The following DYNC1I1 variants were observed in gnomAD, a reference collection of about 807,000 sequenced individuals.
DYNC1I1 encodes the protein dynein cytoplasmic 1 intermediate chain 1.
Under a neutral mutation model 86.6 loss-of-function variants are expected in DYNC1I1, and 43 were observed. The ratio of observed to expected loss-of-function variants is 0.50; its 90% CI spans 0.39 to 0.64. The LOEUF (loss-of-function observed/expected upper bound fraction) is 0.64. DYNC1I1 is among the 30% of genes least tolerant of loss of function. DYNC1I1 has a pLI of 0.00. For missense variants in DYNC1I1, 604 were observed against 788.8 expected, an observed-to-expected ratio of 0.77 and a Z score of 2.81; for synonymous variants, 262 against 283.7, an observed-to-expected ratio of 0.92 and a Z score of 0.77.
At chr7:95,881,830 A>G (rs1191134574) in intron 6 of DYNC1I1, among the ~76,000 whole-genome samples, 1 of 152,252 alleles carries the variant, frequency 6.6e-6, no homozygotes, top group Non-Finnish European at 1.5e-5. Flanking sequence ...TGAGTCAGGC[A>G]TATGGTCATG....
intron 2 of DYNC1I1, among the ~76,000 whole-genome samples, chr7:95,807,569 C>G (rs910172016): frequency 6.6e-6 from 1 of 152,058 alleles, no homozygotes; most frequent in African/African-American, 2.4e-5. Context: ...TTACATATAC[C>G]CTGATGGACT....
intron 7 of DYNC1I1, among the ~76,000 whole-genome samples, chr7:95,980,294 C>T (rs1274353028): frequency 6.6e-6 from 1 of 150,944 alleles, no homozygotes; most frequent in Non-Finnish European, 1.5e-5. Context: ...TTTATGTTGG[C>T]ATCAAACTCT....
At chr7:96,061,894 A>G (rs934956902) in intron 14 of DYNC1I1, among the ~76,000 whole-genome samples, 4 of 152,162 alleles carry the variant, frequency 2.6e-5, no homozygotes, top group African/African-American at 9.7e-5. Flanking sequence ...TGGCATATGC[A>G]GTTCACCCAT....
chr7:95,937,346 T>G (rs1025914574), intron 6 of DYNC1I1, among the ~76,000 whole-genome samples: 2 of 152,092 alleles, frequency 1.3e-5, no homozygotes, highest in African/African-American at 4.8e-5. Flanking sequence ...ATAGGTTAAC[T>G]ATGTGAGGTG....
chr7:96,018,690 T>G (rs972132570), intron 10 of DYNC1I1, among the ~76,000 whole-genome samples: 1 of 152,188 alleles, frequency 6.6e-6, no homozygotes. Flanking sequence ...CCTCATTATT[T>G]CTGTGGGGAG....
intron 7 of DYNC1I1, among the ~76,000 whole-genome samples, chr7:95,978,923 G>A (rs1188015594): frequency 6.6e-6 from 1 of 152,086 alleles, no homozygotes; most frequent in African/African-American, 2.4e-5. Flanking sequence ...AGCATCCCGA[G>A]TAGCTGAGAT....
chr7:95,883,419 T>C (rs1347882604), intron 6 of DYNC1I1, among the ~76,000 whole-genome samples: 2 of 152,226 alleles, frequency 1.3e-5, no homozygotes, highest in Admixed American at 1.3e-4. Context: ...CCAGTTAGTA[T>C]GCCATTCTTC....
At chr7:95,846,666 T>TGTGTGTGTGTGTGA (rs1400288683) in intron 5 of DYNC1I1, among the ~76,000 whole-genome samples, 2 of 150,652 alleles carry the variant, frequency 1.3e-5, no homozygotes, top group Non-Finnish European at 1.5e-5. Flanking sequence ...TGTGTGTGTG[T>TGTGTGTGTGTGTGA]GACGAAGGGG....
intron 16 of DYNC1I1, among the ~76,000 whole-genome samples, chr7:96,103,548 C>CGTA (rs1334315535): frequency 2.0e-5 from 3 of 152,122 alleles, no homozygotes; most frequent in Non-Finnish European, 4.4e-5. Context: ...CAAAGCATAC[C>CGTA]AATGGCTTTC....
At chr7:96,057,960 A>G (rs927192561) in intron 14 of DYNC1I1, among the ~76,000 whole-genome samples, 12 of 152,170 alleles carry the variant, frequency 7.9e-5, no homozygotes, top group Non-Finnish European at 1.2e-4. Flanking sequence ...ATGGACCTAC[A>G]AAGACACCTC....
At chr7:96,053,504 C>G (rs1443202308) in intron 14 of DYNC1I1, among the ~76,000 whole-genome samples, 1 of 152,006 alleles carries the variant, frequency 6.6e-6, no homozygotes, top group Non-Finnish European at 1.5e-5. Flanking sequence ...TTCCAACAAA[C>G]TCCTGTCACT....
intron 14 of DYNC1I1, among the ~76,000 whole-genome samples, chr7:96,058,705 G>A (rs1789659083): frequency 6.6e-6 from 1 of 152,048 alleles, no homozygotes; most frequent in African/African-American, 2.4e-5. Flanking sequence ...TGCGATCTCA[G>A]CTCACTGCAA....
At chr7:95,813,962 CT>C (rs1238299183) in intron 4 of DYNC1I1, among the ~76,000 whole-genome samples, 1 of 152,084 alleles carries the variant, frequency 6.6e-6, no homozygotes, top group Non-Finnish European at 1.5e-5. Flanking sequence ...AATTTAATCA[CT>C]GAAGAGGTAT....
At chr7:96,029,426 G>A (rs1308006570) in intron 11 of DYNC1I1, among the ~76,000 whole-genome samples, 1 of 152,138 alleles carries the variant, frequency 6.6e-6, no homozygotes, top group African/African-American at 2.4e-5. Context: ...GATGGCTGGT[G>A]TATTTCTGAA....
chr7:95,957,398 T>C (rs927134533), intron 6 of DYNC1I1, among the ~76,000 whole-genome samples: 2 of 151,984 alleles, frequency 1.3e-5, no homozygotes, highest in African/African-American at 2.4e-5. Context: ...CTAAAGTCAA[T>C]ATCCCCCTCC....
At chr7:95,953,091 T>C (rs1792602326) in intron 6 of DYNC1I1, among the ~76,000 whole-genome samples, 1 of 148,666 alleles carries the variant, frequency 6.7e-6, no homozygotes, top group Admixed American at 6.9e-5. Context: ...AATGTTTCTT[T>C]TGTATCTCGT....
At chr7:96,080,266 C>A in intron 15 of DYNC1I1, 97 bp from the exon 16 acceptor site, 1 of 1,441,252 alleles carries the variant, frequency 6.9e-7, no homozygotes, top group Non-Finnish European at 9.2e-7. Context: ...CACATGAAGG[C>A]AGTTGGTGAC....
At chr7:95,813,981 G>A (rs1201825865) in intron 4 of DYNC1I1, among the ~76,000 whole-genome samples, 1 of 152,128 alleles carries the variant, frequency 6.6e-6, no homozygotes, top group Non-Finnish European at 1.5e-5. Flanking sequence ...TATCCAAAAG[G>A]TAAAGATGTA....
At position 96,000,813 on chromosome 7, in the gene DYNC1I1, C is replaced by T. The variant is rs554108448; in HGVS notation, c.969+4740C>T. Among the ~76,000 whole-genome samples, 171 of 152,266 alleles carry T rather than the reference C, an allele frequency of 1.1e-3. No individual in the cohort carries two copies. The Middle Eastern group carries it at 0.014, about 12-fold the overall frequency. Reference sequence around the variant, plus strand: ...CATCTGGGGAAGTTAGAATTATCAGCTGGATTCTAGCAAAGAGATTGTATT... The same window carrying T: ...CATCTGGGGAAGTTAGAATTATCAGTTGGATTCTAGCAAAGAGATTGTATT... On this transcript the variant is annotated intron_variant, in intron 10 of 16. Transcript: ENST00000447467.
Sources: allele counts gnomAD v4.1 joint callset (sites outside exome capture counted in the v4.1 genomes callset), GRCh38; gene constraint gnomAD v4.1.1; transcripts MANE v1.5; gene names NCBI Gene and HGNC (gene_info 2026-07-23, HGNC 2026-07-21).